CNTNAP2: variants seen among roughly 807,000 people sequenced by gnomAD.
CNTNAP2 encodes contactin-associated protein-like 2.
Under a neutral mutation model 155.2 loss-of-function variants are expected in CNTNAP2, and 98 were observed. The observed-to-expected ratio is 0.63, with a 90% CI of 0.54 to 0.75. CNTNAP2 has a LOEUF of 0.75. CNTNAP2 is among the 30% of genes least tolerant of loss of function. CNTNAP2 has a pLI of 0.00. For missense variants in CNTNAP2, 1,727 were observed against 1,688.1 expected, an observed-to-expected ratio of 1.02 and a Z score of -0.40; for synonymous variants, 651 against 631.2, an observed-to-expected ratio of 1.03 and a Z score of -0.47.
intron 18 of CNTNAP2, among the ~76,000 whole-genome samples, chr7:148,184,462 T>A (rs1221978041): frequency 6.6e-6 from 1 of 152,222 alleles, no homozygotes; most frequent in African/African-American, 2.4e-5. Context: ...ATGATTTACC[T>A]GTGCCAGTAG....
At chr7:146,971,924 A>T (rs928924392) in intron 3 of CNTNAP2, among the ~76,000 whole-genome samples, 1 of 152,208 alleles carries the variant, frequency 6.6e-6, no homozygotes, top group Non-Finnish European at 1.5e-5. Flanking sequence ...AGAAATTTAT[A>T]TCACGCATCT....
intron 14 of CNTNAP2, among the ~76,000 whole-genome samples, chr7:147,938,301 A>C (rs762840654): frequency 2.6e-5 from 4 of 152,194 alleles, no homozygotes; most frequent in Admixed American, 6.5e-5. Context: ...ACTAAGACCT[A>C]CTATACACTA....
chr7:147,569,891 A>C (rs1418400373), intron 12 of CNTNAP2, among the ~76,000 whole-genome samples: 1 of 152,152 alleles, frequency 6.6e-6, no homozygotes, highest in Admixed American at 6.5e-5. Context: ...GTTTTACCAG[A>C]GACTTGGGAT....
chr7:146,474,510 A>G (rs990346215), intron 1 of CNTNAP2, among the ~76,000 whole-genome samples: 2 of 151,052 alleles, frequency 1.3e-5, no homozygotes, highest in Non-Finnish European at 2.9e-5. Context: ...ACATGATTTG[A>G]GCTTTAGCAT....
At chr7:147,733,612 T>C (rs2116471299) in intron 13 of CNTNAP2, among the ~76,000 whole-genome samples, 1 of 152,270 alleles carries the variant, frequency 6.6e-6, no homozygotes, top group East Asian at 1.9e-4. Flanking sequence ...CCTTGGGCAA[T>C]ATGGCCATTT....
intron 8 of CNTNAP2, among the ~76,000 whole-genome samples, chr7:147,290,608 G>A (rs185370199): frequency 0.011 from 1,605 of 150,882 alleles, 28 homozygotes; most frequent in African/African-American, 0.037. Flanking sequence ...GCTTGAACCC[G>A]GGAGGTGGAG....
At chr7:146,953,363 A>G (rs1797361600) in intron 3 of CNTNAP2, among the ~76,000 whole-genome samples, 1 of 151,988 alleles carries the variant, frequency 6.6e-6, no homozygotes, top group Non-Finnish European at 1.5e-5. Flanking sequence ...CTTGTAGTTT[A>G]AACTAGTTTT....
At chr7:146,138,096 A>C (rs1797823880) in intron 1 of CNTNAP2, among the ~76,000 whole-genome samples, 1 of 152,154 alleles carries the variant, frequency 6.6e-6, no homozygotes, top group Non-Finnish European at 1.5e-5. Context: ...TAAGAAAAGC[A>C]TCCTAAGAGA....
rs556838764 is a variant in CNTNAP2, at chr7:146,536,781, C to T, written c.98-237490C>T. 2.5e-4 allele frequency among the ~76,000 whole-genome samples: 38 copies of T among 152,158 alleles called. No homozygotes were observed. The East Asian group carries it at 3.3e-3, about 13-fold the overall frequency. ...GACACACAGGGTCACATTCATTAGA[C>T]GCTGTGATTGTGAAAACGTACCACA... On this transcript the variant is annotated intron_variant, in intron 1 of 23. Coordinates refer to ENST00000361727, the MANE Select transcript of CNTNAP2 (RefSeq NM_014141.6).
intron 13 of CNTNAP2, among the ~76,000 whole-genome samples, chr7:147,783,830 C>A (rs1391119520): frequency 6.6e-6 from 1 of 152,126 alleles, no homozygotes. Flanking sequence ...AGTAAGCATG[C>A]CTTCACCAGA....
intron 1 of CNTNAP2, among the ~76,000 whole-genome samples, chr7:146,419,248 C>T (rs1380921564): frequency 6.6e-6 from 1 of 152,018 alleles, no homozygotes; most frequent in African/African-American, 2.4e-5. Context: ...ATCAGATCTT[C>T]TAAGACTTAT....
At chr7:146,898,976 A>C (rs1490384098) in intron 3 of CNTNAP2, among the ~76,000 whole-genome samples, 3 of 152,062 alleles carry the variant, frequency 2.0e-5, no homozygotes, top group African/African-American at 7.2e-5. Flanking sequence ...TCCTTGTTTT[A>C]AATTCAATGA....
At chr7:147,972,704 C>T (rs1013664087) in intron 14 of CNTNAP2, among the ~76,000 whole-genome samples, 1 of 152,046 alleles carries the variant, frequency 6.6e-6, no homozygotes, top group Non-Finnish European at 1.5e-5. Context: ...ATGTACAAGC[C>T]CACTAACAGA....
intron 4 of CNTNAP2, among the ~76,000 whole-genome samples, chr7:147,086,414 TA>T (rs1184808462): frequency 7.9e-5 from 12 of 152,120 alleles, no homozygotes; most frequent in Non-Finnish European, 1.8e-4. Context: ...TTTCTTTTCA[TA>T]AAATTTATTT....
chr7:148,230,785 C>T (rs766385302), intron 20 of CNTNAP2, among the ~76,000 whole-genome samples: 2 of 152,096 alleles, frequency 1.3e-5, no homozygotes, highest in South Asian at 2.1e-4. Flanking sequence ...CAGCTTACTG[C>T]GCCATCAATC....
At chr7:146,441,423 T>C (rs898605954) in intron 1 of CNTNAP2, among the ~76,000 whole-genome samples, 2 of 151,434 alleles carry the variant, frequency 1.3e-5, no homozygotes, top group Non-Finnish European at 2.9e-5. Context: ...CCCTATTTGG[T>C]CTTCGATTAC....
At chr7:147,675,159 T>C (rs4310124) in intron 13 of CNTNAP2, among the ~76,000 whole-genome samples, 7,862 of 152,130 alleles carry the variant, frequency 0.052, 268 homozygotes, top group Middle Eastern at 0.12. Context: ...CAGGCTTTTA[T>C]TGGCTTTTGG....
chr7:148,089,644 C>T (rs1803799714), intron 15 of CNTNAP2, among the ~76,000 whole-genome samples: 1 of 151,506 alleles, frequency 6.6e-6, no homozygotes, highest in Non-Finnish European at 1.5e-5. Flanking sequence ...AATTGAAGAA[C>T]ACAAGTAAGT....
intron 2 of CNTNAP2, among the ~76,000 whole-genome samples, chr7:146,795,358 C>A (rs776568177): frequency 6.6e-6 from 1 of 152,094 alleles, no homozygotes; most frequent in Non-Finnish European, 1.5e-5. Context: ...ACTCTGACCT[C>A]GCAAATCAAC....
Sources: allele counts gnomAD v4.1 joint callset (sites outside exome capture counted in the v4.1 genomes callset), GRCh38; gene constraint gnomAD v4.1.1; transcripts MANE v1.5; gene names NCBI Gene and HGNC (gene_info 2026-07-23, HGNC 2026-07-21).